Variants in FBXW7 observed in about 807,000 individuals in gnomAD.
FBXW7 encodes F-box and WD repeat domain containing 7, also known as F-box/WD repeat-containing protein 7.
A neutral mutation model predicts 86.3 loss-of-function variants in FBXW7; 11 were observed. The observed-to-expected ratio is 0.13, with a 90% CI of 0.08 to 0.21. The LOEUF is 0.21. Ranked by LOEUF, FBXW7 falls within the 10% of genes least tolerant of loss-of-function variation. The probability of loss-of-function intolerance (pLI) is 1.00; values close to 1 mark genes in which losing one functional copy is unlikely to be tolerated. For synonymous variants in FBXW7, 313 were observed against 297.9 expected (o/e 1.05, Z -0.52); for missense variants, 488 against 847.4 (o/e 0.58, Z 5.27).
At chr4:152,505,807 T>C (rs1747368010) in intron 2 of FBXW7, among the ~76,000 whole-genome samples, 1 of 151,698 alleles carries the variant, frequency 6.6e-6, no homozygotes, top group Non-Finnish European at 1.5e-5. Context: ...GGTGGCGCTA[T>C]ACTGGCTCAC....
rs768216183 is a variant in FBXW7, at chr4:152,321,527, G to C, written c.*1354C>G. ...TTCAGCTTGAGTTGTGGCTCTTGGA[G>C]AATGAGGCAAACCATTTGACTGTTT... On this transcript the variant is annotated 3_prime_UTR_variant, in exon 14 of 14. Coordinates refer to ENST00000281708, the MANE Select transcript of FBXW7 (RefSeq NM_001349798.2). The C allele has an allele frequency of 2.6e-5, 6 of 232,982 alleles. No homozygotes were observed. The highest frequency in any genetic ancestry group is 3.4e-5 in the Non-Finnish European group (4 of 117,698). The allele number at this position is 232,982 out of a possible 1,614,324, so 14.4% of individuals were successfully genotyped here.
At chr4:152,465,273 T>G (rs76714099) in intron 2 of FBXW7, among the ~76,000 whole-genome samples, 2,075 of 152,246 alleles carry the variant, frequency 0.014, 26 homozygotes, top group Middle Eastern at 0.037. Flanking sequence ...ACTCAATTAT[T>G]ATGATAGTAA....
chr4:152,330,670 A>G (rs1181682384), intron 9 of FBXW7, 62 bp downstream of exon 9: 64 of 1,434,318 alleles, frequency 4.5e-5, no homozygotes, highest in East Asian at 1.2e-4. Context: ...GCCAAGTGAA[A>G]TAGTACACTA....
chr4:152,423,433 T>G (rs1360632626), intron 2 of FBXW7, among the ~76,000 whole-genome samples: 2 of 152,176 alleles, frequency 1.3e-5, no homozygotes, highest in Non-Finnish European at 2.9e-5. Flanking sequence ...ATTTTAAAAT[T>G]ATAATTTTCT....
chr4:152,425,821 T>C (rs747657075), intron 2 of FBXW7, among the ~76,000 whole-genome samples: 1 of 152,124 alleles, frequency 6.6e-6, no homozygotes, highest in Non-Finnish European at 1.5e-5. Context: ...CCACATATGA[T>C]AGTTCTCTAA....
chr4:152,343,583 C>CAT (rs1172178486), intron 6 of FBXW7, among the ~76,000 whole-genome samples: 2 of 152,084 alleles, frequency 1.3e-5, no homozygotes, highest in Non-Finnish European at 2.9e-5. Context: ...CCTTCTATGT[C>CAT]ATTTGTGCTA....
chr4:152,409,141 G>A (rs76200238), intron 4 of FBXW7, among the ~76,000 whole-genome samples: 2,084 of 152,222 alleles, frequency 0.014, 26 homozygotes, highest in Middle Eastern at 0.037. Context: ...TAGGGATGAT[G>A]GGTAAAATTC....
intron 2 of FBXW7, among the ~76,000 whole-genome samples, chr4:152,464,856 A>ATAGTCTC (rs1253754897): frequency 6.6e-6 from 1 of 152,228 alleles, no homozygotes; most frequent in Non-Finnish European, 1.5e-5. Context: ...ATTCTCTGCA[A>ATAGTCTC]TGATGTGATT....
chr4:152,531,697 T>C (rs546865867), intron 2 of FBXW7, among the ~76,000 whole-genome samples: 2 of 152,276 alleles, frequency 1.3e-5, no homozygotes, highest in South Asian at 4.1e-4. Flanking sequence ...TCAGCTATTT[T>C]TGGCCTCACT....
intron 4 of FBXW7, among the ~76,000 whole-genome samples, chr4:152,396,075 C>T (rs1291064715): frequency 6.6e-6 from 1 of 151,832 alleles, no homozygotes; most frequent in Non-Finnish European, 1.5e-5. Flanking sequence ...ACTTTCTGGA[C>T]CCTATGGTCC....
At chr4:152,434,226 G>T (rs191804832) in intron 2 of FBXW7, among the ~76,000 whole-genome samples, 13 of 152,294 alleles carry the variant, frequency 8.5e-5, no homozygotes, top group Non-Finnish European at 1.3e-4. Context: ...TTCACTTCCT[G>T]AATGTGGAAA....
intron 2 of FBXW7, among the ~76,000 whole-genome samples, chr4:152,513,034 G>C (rs1748128810): frequency 6.6e-6 from 1 of 152,038 alleles, no homozygotes; most frequent in South Asian, 2.1e-4. Context: ...GCTAATTTTT[G>C]TATTTTTAGT....
At chr4:152,485,091 A>G (rs1745228791) in intron 2 of FBXW7, among the ~76,000 whole-genome samples, 2 of 152,092 alleles carry the variant, frequency 1.3e-5, no homozygotes, top group Admixed American at 6.6e-5. Flanking sequence ...TATAAGAGCT[A>G]AGACCAACAT....
intron 4 of FBXW7, among the ~76,000 whole-genome samples, chr4:152,388,220 A>G (rs1735712420): frequency 6.6e-6 from 1 of 152,198 alleles, no homozygotes; most frequent in African/African-American, 2.4e-5. Context: ...GTATGTAAAC[A>G]TTCAATGGAC....
In FBXW7 at chr4:152,472,669, C is replaced by T. The variant is rs568570103; in HGVS notation, c.-119-60140G>A. On this transcript the variant is annotated intron_variant, in intron 2 of 13. Coordinates refer to ENST00000281708, the MANE Select transcript of FBXW7 (RefSeq NM_001349798.2). ...GAATATGACAGATACAGGGAAGCTCCTGAGAAGCTGATATCTTGATCTGGG... is the reference window on the plus strand; with the variant it reads ...GAATATGACAGATACAGGGAAGCTCTTGAGAAGCTGATATCTTGATCTGGG... Among the ~76,000 whole-genome samples, 47 of 152,268 alleles carry T rather than the reference C, an allele frequency of 3.1e-4. No individual in the cohort carries two copies. In the South Asian group the frequency reaches 7.5e-3, roughly 24 times the overall value.
intron 2 of FBXW7, among the ~76,000 whole-genome samples, chr4:152,494,106 C>T (rs761705365): frequency 5.3e-5 from 8 of 149,578 alleles, no homozygotes; most frequent in African/African-American, 2.0e-4. Flanking sequence ...TAAATACTGA[C>T]GAGAAGAATC....
chr4:152,343,278 T>C (rs1399671512), intron 6 of FBXW7, among the ~76,000 whole-genome samples: 1 of 152,190 alleles, frequency 6.6e-6, no homozygotes, highest in Non-Finnish European at 1.5e-5. Context: ...TATCACTTTA[T>C]CTTTGATCCT....
intron 4 of FBXW7, among the ~76,000 whole-genome samples, chr4:152,405,738 G>C (rs1214902234): frequency 1.3e-5 from 2 of 152,162 alleles, no homozygotes. Flanking sequence ...GAGAGACTAA[G>C]TGATCAAGTC....
Position 152,411,502 on chromosome 4 carries a change from T to A in FBXW7, c.302A>T (p.Asp101Val), listed in dbSNP as rs767856434. 5.0e-6 allele frequency: 8 copies of A among 1,613,752 alleles called. No individual in the cohort carries two copies. The highest frequency in any genetic ancestry group is 5.9e-6 in the Non-Finnish European group (7 of 1,179,892). ...ATCTTGTTCACCAGCATGTTCTTCATCTTCCTCTTGTTCTTCTTGGTTTCC... is the reference window on the plus strand; with the variant it reads ...ATCTTGTTCACCAGCATGTTCTTCAACTTCCTCTTGTTCTTCTTGGTTTCC... ...SSGNQEEQEE[D>V]EEHAGEQDEE... Residue 101 changes from aspartate to valine, a missense_variant, in exon 4 of 14, where the codon GAT (aspartate) becomes GTT (valine). Asp to Val is a radical substitution (Grantham distance 152). Transcript: ENST00000281708.
Sources: gnomAD v4.1 joint callset for allele counts (sites outside exome capture counted in the v4.1 genomes callset) on GRCh38, gnomAD v4.1.1 for gene constraint, MANE v1.5 for transcripts, NCBI Gene and HGNC (gene_info 2026-07-23, HGNC 2026-07-21) for gene names.